PIGK: variants seen among roughly 807,000 people sequenced by gnomAD.
PIGK encodes the protein phosphatidylinositol glycan anchor biosynthesis class K.
Under a neutral mutation model 50.6 loss-of-function variants are expected in PIGK, and 42 were observed. The observed-to-expected ratio is 0.83, with a 90% CI of 0.65 to 1.07. PIGK has a LOEUF of 1.07. Among genes scored for constraint, PIGK ranks in the 50% least tolerant of loss-of-function variants. The pLI, the probability that PIGK is intolerant of heterozygous loss-of-function variation, is 0.00. For missense variants in PIGK, 448 were observed against 488.7 expected, an observed-to-expected ratio of 0.92 and a Z score of 0.78; for synonymous variants, 151 against 156.0, an observed-to-expected ratio of 0.97 and a Z score of 0.24.
intron 10 of PIGK, among the ~76,000 whole-genome samples, chr1:77,112,619 T>C (rs901240827): frequency 6.6e-6 from 1 of 152,182 alleles, no homozygotes; most frequent in African/African-American, 2.4e-5. Context: ...ACTTACCTTA[T>C]TACGTTGTAA....
chr1:77,159,562 G>A (rs902382735), intron 8 of PIGK, among the ~76,000 whole-genome samples: 26 of 152,190 alleles, frequency 1.7e-4, no homozygotes, highest in African/African-American at 4.8e-4. Context: ...GATGGGGGCC[G>A]TATCCTGCAA....
rs1654965540 is a variant in PIGK, at chr1:77,154,537, T to C, written c.898A>G (p.Ile300Val). The C allele has an allele frequency of 1.9e-6, 3 of 1,611,598 alleles. No individual in the cohort carries two copies. The highest frequency in any genetic ancestry group is 2.5e-6 in the Non-Finnish European group (3 of 1,177,882). ...CGTACACTTCCAAAGAAATCAGTTA[T>C]CAGTACATTTTTAGGATCCCTCTGA... ...LFQRDPKNVL[I>V]TDFFGSVRKV... Residue 300 changes from isoleucine to valine, a missense_variant, in exon 9 of 11, where the codon ATA becomes GTA. Physicochemically the swap from Ile to Val is conservative, Grantham distance 29. Coordinates refer to ENST00000370812, the MANE Select transcript of PIGK (RefSeq NM_005482.3).
At chr1:77,128,782 C>T (rs536734562) in intron 9 of PIGK, among the ~76,000 whole-genome samples, 16 of 152,244 alleles carry the variant, frequency 1.1e-4, no homozygotes, top group African/African-American at 3.6e-4. Context: ...TATAGAATAT[C>T]TACAAATCAT....
rs368819740 is a variant in PIGK, at chr1:77,124,062, C to G, written c.987-1703G>C. Among the ~76,000 whole-genome samples, 27 of 151,764 alleles carry G rather than the reference C, an allele frequency of 1.8e-4. 1 individual carries two copies. The highest frequency in any genetic ancestry group is 6.5e-4 in the African/African-American group (27 of 41,394). The stretch of plus-strand genomic sequence containing the variant: ...CCATCTACACGTCAAGGAGAGAGAC[C>G]TTAGGAGAAATCAATCCTGCTGACA... On this transcript the variant is annotated intron_variant, in intron 9 of 10. Transcript: ENST00000370812.
chr1:77,131,088 A>G, intron 9 of PIGK, among the ~76,000 whole-genome samples: 1 of 151,996 alleles, frequency 6.6e-6, no homozygotes, highest in South Asian at 2.1e-4. Context: ...GTGTTCCTTT[A>G]TGATCTATAA....
At chr1:77,121,145 G>A (rs1012876482) in intron 10 of PIGK, among the ~76,000 whole-genome samples, 3 of 152,128 alleles carry the variant, frequency 2.0e-5, no homozygotes, top group African/African-American at 7.2e-5. Context: ...CACTCTTACT[G>A]TTAAGAACAT....
At chr1:77,186,915 T>C (rs1655761501) in intron 3 of PIGK, among the ~76,000 whole-genome samples, 1 of 152,180 alleles carries the variant, frequency 6.6e-6, no homozygotes, top group South Asian at 2.1e-4. Flanking sequence ...ACCTCTTCCA[T>C]CACGAAAAGG....
intron 10 of PIGK, among the ~76,000 whole-genome samples, chr1:77,116,763 C>T (rs758233553): frequency 2.0e-5 from 3 of 152,084 alleles, no homozygotes; most frequent in Non-Finnish European, 4.4e-5. Context: ...GCTGCTGATG[C>T]CTTTCATAGC....
intron 4 of PIGK, among the ~76,000 whole-genome samples, chr1:77,167,227 T>C (rs1655255658): frequency 1.3e-5 from 2 of 152,262 alleles, no homozygotes; most frequent in African/African-American, 4.8e-5. Flanking sequence ...AACATGCTCC[T>C]GTAGTTCTAG....
At chr1:77,105,704 T>A (rs1242911549) in intron 10 of PIGK, among the ~76,000 whole-genome samples, 1 of 152,190 alleles carries the variant, frequency 6.6e-6, no homozygotes, top group Non-Finnish European at 1.5e-5. Context: ...GACATCTGTT[T>A]TTATAACTAA....
chr1:77,217,967 T>A (rs1341369444), intron 1 of PIGK, among the ~76,000 whole-genome samples: 6 of 152,192 alleles, frequency 3.9e-5, no homozygotes, highest in Non-Finnish European at 7.4e-5. Context: ...GAAACAGAAC[T>A]TCTATTTACT....
At chr1:77,132,564 C>T (rs1417792971) in intron 9 of PIGK, among the ~76,000 whole-genome samples, 1 of 151,956 alleles carries the variant, frequency 6.6e-6, no homozygotes, top group South Asian at 2.1e-4. Flanking sequence ...TCTATGAATA[C>T]TTTAAACTCA....
At chr1:77,195,821 A>C (rs1656021296) in intron 3 of PIGK, among the ~76,000 whole-genome samples, 1 of 151,956 alleles carries the variant, frequency 6.6e-6, no homozygotes, top group Non-Finnish European at 1.5e-5. Context: ...TAAAGTATAA[A>C]TATATACATT....
rs1022934936 is a variant in PIGK at position 77,153,859 on chromosome 1, C to T, written c.986+590G>A. ...AATAACAAAGTTTCATGGCTAACAACATATGCCATTATATATTTCAAGAAA... is the reference window on the plus strand; with the variant it reads ...AATAACAAAGTTTCATGGCTAACAATATATGCCATTATATATTTCAAGAAA... On this transcript the variant is annotated intron_variant, in intron 9 of 10. Coordinates refer to ENST00000370812, the MANE Select transcript of PIGK (RefSeq NM_005482.3). The T allele has an allele frequency of 2.6e-5, 4 of 152,292 alleles. No individual in the cohort carries two copies. In the East Asian group the frequency reaches 7.7e-4, roughly 29 times the overall value. The allele number at this position is 152,292 out of a possible 1,614,324, so 9.4% of individuals were successfully genotyped here.
intron 9 of PIGK, among the ~76,000 whole-genome samples, chr1:77,148,739 A>G (rs12122553): frequency 0.24 from 35,371 of 150,466 alleles, 5,113 homozygotes; most frequent in Non-Finnish European, 0.32. Context: ...TTTTTGAGAC[A>G]GAGTCTTGCT....
intron 3 of PIGK, among the ~76,000 whole-genome samples, chr1:77,188,976 G>T (rs537228328): frequency 2.2e-4 from 33 of 152,308 alleles, no homozygotes; most frequent in Middle Eastern, 3.4e-3. Context: ...GTGACCAGCT[G>T]CAGAAACAGG....
At position 77,163,888 on chromosome 1, in the gene PIGK, A is replaced by G. The variant is rs1486891123; in HGVS notation, c.542T>C (p.Ile181Thr). The G allele has an allele frequency of 6.2e-7, 1 of 1,609,804 alleles. No homozygotes were observed. The highest frequency in any genetic ancestry group is 1.1e-5 in the South Asian group (1 of 90,352). Residue 181 changes from isoleucine to threonine, a missense_variant, in exon 6 of 11, where the codon ATA (isoleucine) becomes ACA (threonine). Coordinates refer to ENST00000370812, the MANE Select transcript of PIGK (RefSeq NM_005482.3). ...TTGTTCAAAAGCATCCGCGAGTTCT[A>G]TGTTGGTAATTTCTTCAGAATCTTG... ...KFQDSEEITN[I>T]ELADAFEQMW... is the part of the protein sequence containing the mutation.
At chr1:77,103,485 T>C (rs1050959612) in intron 10 of PIGK, among the ~76,000 whole-genome samples, 2 of 152,246 alleles carry the variant, frequency 1.3e-5, no homozygotes, top group Non-Finnish European at 2.9e-5. Flanking sequence ...TCTGCCCATC[T>C]TGAACAATTA....
At chr1:77,184,026 G>A (rs1157221837) in intron 3 of PIGK, among the ~76,000 whole-genome samples, 1 of 152,156 alleles carries the variant, frequency 6.6e-6, no homozygotes, top group Non-Finnish European at 1.5e-5. Flanking sequence ...GGGAACCGCA[G>A]TTGCTCAACT....
Sources: allele counts gnomAD v4.1 joint callset (sites outside exome capture counted in the v4.1 genomes callset), GRCh38; gene constraint gnomAD v4.1.1; transcripts MANE v1.5; gene names NCBI Gene and HGNC (gene_info 2026-07-23, HGNC 2026-07-21).